The following CYTH1 variants were observed in gnomAD, a reference collection of about 807,000 sequenced individuals.
CYTH1 encodes the protein cytohesin 1.
A neutral mutation model predicts 61.8 loss-of-function variants in CYTH1; 18 were observed. The ratio of observed to expected loss-of-function variants is 0.29; its 90% confidence interval spans 0.20 to 0.43. The LOEUF is 0.43. Ranked by LOEUF, CYTH1 falls within the 20% of genes least tolerant of loss-of-function variation. CYTH1 has a pLI of 1.00. For synonymous variants in CYTH1, 174 were observed against 184.3 expected (o/e 0.94, Z 0.45); for missense variants, 336 against 510.5 (o/e 0.66, Z 3.29).
At position 78,713,331 on chromosome 17, in the gene CYTH1, A is replaced by G. The variant is rs2093152955; in HGVS notation, c.23-3599T>C. 3.3e-5 allele frequency among the ~76,000 whole-genome samples: 5 copies of G among 152,166 alleles called. No homozygotes were observed. In the South Asian group the frequency reaches 8.3e-4, roughly 25 times the overall value. ...TTTCTTCAGGTTCTAGAAGATACAT[A>G]TTCATTCCAATATAACATGGTTTTG... is the stretch of plus-strand genomic sequence containing the variant. On this transcript the variant is annotated intron_variant, in intron 1 of 13. Transcript: ENST00000446868.
At chr17:78,780,867 C>CGTG (rs2093514196) in intron 1 of CYTH1, among the ~76,000 whole-genome samples, 1 of 152,000 alleles carries the variant, frequency 6.6e-6, no homozygotes, top group African/African-American at 2.4e-5. Flanking sequence ...ATTAGACAGG[C>CGTG]GTGGTGGCAC....
At chr17:78,777,040 G>A (rs1437621386) in intron 1 of CYTH1, among the ~76,000 whole-genome samples, 1 of 151,508 alleles carries the variant, frequency 6.6e-6, no homozygotes, top group Non-Finnish European at 1.5e-5. Context: ...CAGGAGAATT[G>A]CTTGAATCTG....
intron 1 of CYTH1, among the ~76,000 whole-genome samples, chr17:78,770,568 G>A (rs960143411): frequency 6.6e-5 from 10 of 151,862 alleles, no homozygotes; most frequent in Admixed American, 2.6e-4. Flanking sequence ...ACAGGCGTGC[G>A]CCATCACGCC....
chr17:78,705,577 C>T (rs1358563412), intron 3 of CYTH1, among the ~76,000 whole-genome samples: 1 of 152,042 alleles, frequency 6.6e-6, no homozygotes, highest in Non-Finnish European at 1.5e-5. Context: ...TGCATCAGAT[C>T]GTCGATGAGA....
At chr17:78,757,990 TA>T (rs1345049038) in intron 1 of CYTH1, among the ~76,000 whole-genome samples, 2 of 152,172 alleles carry the variant, frequency 1.3e-5, no homozygotes. Context: ...TATCATCATA[TA>T]CTGGTATGAG....
At chr17:78,762,529 G>A (rs1001362884) in intron 1 of CYTH1, among the ~76,000 whole-genome samples, 1 of 152,166 alleles carries the variant, frequency 6.6e-6, no homozygotes, top group African/African-American at 2.4e-5. Flanking sequence ...GCAGGATAAT[G>A]GTCCCAAAGA....
chr17:78,721,618 C>T (rs919802422), intron 1 of CYTH1, among the ~76,000 whole-genome samples: 9 of 152,226 alleles, frequency 5.9e-5, no homozygotes, highest in Non-Finnish European at 7.3e-5. Context: ...CAGCTCCTCA[C>T]GTTCACAGGC....
At chr17:78,766,779 A>C (rs73389876) in intron 1 of CYTH1, among the ~76,000 whole-genome samples, 5,802 of 152,250 alleles carry the variant, frequency 0.038, 387 homozygotes, top group African/African-American at 0.13. Flanking sequence ...AAAGACATAA[A>C]TAGCATATAA....
At chr17:78,736,068 C>T (rs1254840321) in intron 1 of CYTH1, among the ~76,000 whole-genome samples, 1 of 152,220 alleles carries the variant, frequency 6.6e-6, no homozygotes, top group Non-Finnish European at 1.5e-5. Context: ...TCAAACAGTC[C>T]TCACCTAACA....
At chr17:78,756,839 C>T (rs1357711688) in intron 1 of CYTH1, among the ~76,000 whole-genome samples, 1 of 151,196 alleles carries the variant, frequency 6.6e-6, no homozygotes, top group Admixed American at 6.6e-5. Flanking sequence ...AAAAAAAAAG[C>T]CTTCATAATC....
chr17:78,708,116 G>A, intron 3 of CYTH1, 81 bp downstream of exon 3: 1 of 1,392,726 alleles, frequency 7.2e-7, no homozygotes, highest in Non-Finnish European at 1.0e-6. Context: ...TTCCTTCAAT[G>A]TGCCACGTAA....
At chr17:78,676,368 C>T (rs570730177) in intron 13 of CYTH1, 199 bp from the exon 14 acceptor site, 2 of 579,142 alleles carry the variant, frequency 3.5e-6, no homozygotes, top group Admixed American at 3.4e-5. Flanking sequence ...GAAAGAGACA[C>T]AGGAACACGT....
At chr17:78,764,920 CG>C (rs1415670641) in intron 1 of CYTH1, among the ~76,000 whole-genome samples, 1 of 151,754 alleles carries the variant, frequency 6.6e-6, no homozygotes, top group Non-Finnish European at 1.5e-5. Context: ...AGTAGGTTCC[CG>C]GGGGATGAGC....
intron 1 of CYTH1, among the ~76,000 whole-genome samples, chr17:78,755,211 T>C (rs2093395751): frequency 6.6e-6 from 1 of 152,194 alleles, no homozygotes; most frequent in Non-Finnish European, 1.5e-5. Context: ...AGTCTAGCTC[T>C]GTCACCCAGG....
At chr17:78,748,558 G>C (rs2093367948) in intron 1 of CYTH1, among the ~76,000 whole-genome samples, 1 of 152,200 alleles carries the variant, frequency 6.6e-6, no homozygotes. Flanking sequence ...GAATACAGGA[G>C]AATTGTCTGA....
intron 1 of CYTH1, among the ~76,000 whole-genome samples, chr17:78,771,228 T>C (rs2093470178): frequency 6.6e-6 from 1 of 151,818 alleles, no homozygotes; most frequent in Non-Finnish European, 1.5e-5. Flanking sequence ...TGCCATTGCA[T>C]GCCAGCCTGG....
intron 1 of CYTH1, among the ~76,000 whole-genome samples, chr17:78,779,314 C>T (rs1567890287): frequency 2.1e-5 from 3 of 143,520 alleles, no homozygotes; most frequent in African/African-American, 5.2e-5. Flanking sequence ...GCAGGAGAAT[C>T]GCTTGAAGCT....
intron 10 of CYTH1, among the ~76,000 whole-genome samples, chr17:78,694,121 G>A (rs2092915579): frequency 1.3e-5 from 2 of 152,224 alleles, no homozygotes; most frequent in Admixed American, 1.3e-4. Flanking sequence ...GTTATGAAAA[G>A]AAAATGTCCA....
intron 11 of CYTH1, among the ~76,000 whole-genome samples, chr17:78,682,350 A>G (rs1267874415): frequency 6.6e-6 from 1 of 152,216 alleles, no homozygotes; most frequent in Non-Finnish European, 1.5e-5. Context: ...GCTAATTTGT[A>G]TCAGGCATCC....
Sources: allele counts gnomAD v4.1 joint callset (sites outside exome capture counted in the v4.1 genomes callset), GRCh38; gene constraint gnomAD v4.1.1; transcripts MANE v1.5; gene names NCBI Gene and HGNC (gene_info 2026-07-23, HGNC 2026-07-21).